The following RAB27A variants were observed in gnomAD, a reference collection of about 807,000 sequenced individuals.
The protein encoded by RAB27A is RAB27A, member RAS oncogene family, also known as ras-related protein Rab-27A.
RAB27A carries 17 observed loss-of-function variants against 20.8 expected under a neutral mutation model. The ratio of observed to expected loss-of-function variants is 0.82; its 90% confidence interval spans 0.56 to 1.23. The LOEUF is 1.23. Among genes scored for constraint, RAB27A ranks in the 50% most tolerant of loss-of-function variants. The probability of loss-of-function intolerance (pLI) is 0.00; values close to 1 mark genes in which losing one functional copy is unlikely to be tolerated. For missense variants in RAB27A, 277 were observed against 266.7 expected (o/e 1.04, Z -0.27); for synonymous variants, 85 against 92.8 (o/e 0.92, Z 0.48).
intron 2 of RAB27A, among the ~76,000 whole-genome samples, chr15:55,297,491 C>A (rs528415413): frequency 1.3e-5 from 2 of 152,196 alleles, no homozygotes; most frequent in Non-Finnish European, 2.9e-5. Flanking sequence ...ATGGGGTGAT[C>A]AAGAAGGCAG....
chr15:55,306,302 A>G (rs2054996689), intron 2 of RAB27A, among the ~76,000 whole-genome samples: 3 of 152,184 alleles, frequency 2.0e-5, no homozygotes, highest in Admixed American at 2.0e-4. Context: ...GTATGGCCTT[A>G]AGTGCAGAGG....
chr15:55,305,353 A>C (rs1443710090), intron 2 of RAB27A, among the ~76,000 whole-genome samples: 1 of 152,196 alleles, frequency 6.6e-6, no homozygotes, highest in East Asian at 1.9e-4. Context: ...TTAACATTGG[A>C]GCATGGGCTA....
Position 55,237,613 on chromosome 15 carries a change from G to A in RAB27A, c.-22-2657C>T, listed in dbSNP as rs143540203. ...AACTTGGACATCAACATTATAGCAC[G>A]TCATATCACAGCATCACACCTGGCT... On this transcript the variant is annotated intron_variant, in intron 2 of 6. Coordinates refer to ENST00000336787, the MANE Select transcript of RAB27A (RefSeq NM_183235.3). 1.4e-4 allele frequency among the ~76,000 whole-genome samples: 22 copies of A among 152,166 alleles called. 1 individual carries two copies. In the East Asian group the frequency reaches 2.3e-3, roughly 16 times the overall value.
In RAB27A at chr15:55,206,141, G is replaced by A. The variant is rs1433511300; in HGVS notation, c.468-436C>T. 4.2e-5 allele frequency: 7 copies of A among 165,296 alleles called. No homozygotes were observed. In the Admixed American group the frequency reaches 4.6e-4, roughly 11 times the overall value. The allele number at this position is 165,296 out of a possible 1,614,324, so 10.2% of individuals were successfully genotyped here. A position where few individuals can be genotyped will look rare whatever the true frequency, so the allele number is the denominator to read the frequency against. Reference sequence around the variant, plus strand: ...CTCAAGAATCACTTGAACCTGGGAGGCAGAGGTTGCAGTGAGCCAATATTG... The same window carrying A: ...CTCAAGAATCACTTGAACCTGGGAGACAGAGGTTGCAGTGAGCCAATATTG... On this transcript the variant is annotated intron_variant, in intron 6 of 6. Transcript: ENST00000336787.
chr15:55,299,536 T>C (rs1403701603), intron 2 of RAB27A, among the ~76,000 whole-genome samples: 7 of 146,212 alleles, frequency 4.8e-5, no homozygotes, highest in Non-Finnish European at 1.0e-4. Flanking sequence ...TGAGTTGCAG[T>C]GAGCCAAGAT....
At chr15:55,251,066 C>T (rs1383971372) in intron 2 of RAB27A, among the ~76,000 whole-genome samples, 4 of 152,190 alleles carry the variant, frequency 2.6e-5, no homozygotes, top group African/African-American at 7.2e-5. Flanking sequence ...AGCTCTGAAT[C>T]GTCTCATTTG....
intron 1 of RAB27A, among the ~76,000 whole-genome samples, chr15:55,277,193 A>T (rs997099180): frequency 6.6e-6 from 1 of 152,168 alleles, no homozygotes; most frequent in African/African-American, 2.4e-5. Context: ...AAACTGAAAA[A>T]CTGACCACAG....
At chr15:55,208,574 C>T (rs1441809965) in intron 6 of RAB27A, among the ~76,000 whole-genome samples, 1 of 152,194 alleles carries the variant, frequency 6.6e-6, no homozygotes, top group African/African-American at 2.4e-5. Flanking sequence ...TTCCAGGCAT[C>T]ACATCTCAAC....
At chr15:55,308,709 G>A (rs1412725782) in intron 2 of RAB27A, among the ~76,000 whole-genome samples, 2 of 152,192 alleles carry the variant, frequency 1.3e-5, no homozygotes, top group Non-Finnish European at 1.5e-5. Context: ...ATGCGCAGTC[G>A]CAGCACTGGC....
At chr15:55,247,845 C>A (rs1896745299) in intron 2 of RAB27A, among the ~76,000 whole-genome samples, 1 of 151,854 alleles carries the variant, frequency 6.6e-6, no homozygotes, top group Non-Finnish European at 1.5e-5. Flanking sequence ...CAATTTGACA[C>A]ATAGATACTT....
At chr15:55,216,988 A>G (rs1267109859) in intron 6 of RAB27A, among the ~76,000 whole-genome samples, 4 of 152,260 alleles carry the variant, frequency 2.6e-5, no homozygotes, top group Non-Finnish European at 4.4e-5. Flanking sequence ...TTTAATTGGT[A>G]TAATTTCAAG....
chr15:55,262,410 T>TAGC (rs1167395871), intron 2 of RAB27A, among the ~76,000 whole-genome samples: 1 of 151,180 alleles, frequency 6.6e-6, no homozygotes, highest in Non-Finnish European at 1.5e-5. Context: ...GGCGTGGTGG[T>TAGC]AGGCACCTGT....
At chr15:55,271,624 T>C (rs1897708717) in intron 1 of RAB27A, among the ~76,000 whole-genome samples, 1 of 152,270 alleles carries the variant, frequency 6.6e-6, no homozygotes, top group African/African-American at 2.4e-5. Context: ...ATTCAATTTA[T>C]TTCTTGGTCT....
intron 1 of RAB27A, among the ~76,000 whole-genome samples, chr15:55,275,770 G>A (rs977593606): frequency 6.6e-6 from 1 of 151,664 alleles, no homozygotes; most frequent in Non-Finnish European, 1.5e-5. Flanking sequence ...TTTAATGGGC[G>A]AAAGACCTGA....
At chr15:55,221,676 C>T (rs1012816228) in intron 6 of RAB27A, among the ~76,000 whole-genome samples, 33 of 152,090 alleles carry the variant, frequency 2.2e-4, no homozygotes, top group Admixed American at 8.5e-4. Context: ...GGGTGGGCCA[C>T]AAAAGAGATT....
At chr15:55,261,396 C>CA (rs112564599) in intron 2 of RAB27A, among the ~76,000 whole-genome samples, 5 of 146,920 alleles carry the variant, frequency 3.4e-5, no homozygotes, top group Admixed American at 2.0e-4. Flanking sequence ...GACTCTGTCT[C>CA]AAAAAAAAAT....
chr15:55,281,383 T>C (rs762383354), intron 1 of RAB27A, among the ~76,000 whole-genome samples: 1 of 152,196 alleles, frequency 6.6e-6, no homozygotes, highest in Non-Finnish European at 1.5e-5. Context: ...CCATTTCTCA[T>C]ATATCAATAA....
chr15:55,262,014 G>A (rs1249962890), intron 2 of RAB27A, among the ~76,000 whole-genome samples: 2 of 149,922 alleles, frequency 1.3e-5, no homozygotes, highest in African/African-American at 4.9e-5. Flanking sequence ...TCTGGCCTGG[G>A]TGACAGGGCG....
intron 2 of RAB27A, among the ~76,000 whole-genome samples, chr15:55,261,498 G>C (rs1168982868): frequency 6.6e-6 from 1 of 151,520 alleles, no homozygotes; most frequent in South Asian, 2.1e-4. Context: ...GGGAAGCCAA[G>C]GCAGCCAGAT....
Sources: allele counts gnomAD v4.1 joint callset (sites outside exome capture counted in the v4.1 genomes callset), GRCh38; gene constraint gnomAD v4.1.1; transcripts MANE v1.5; gene names NCBI Gene and HGNC (gene_info 2026-07-23, HGNC 2026-07-21).